GPATCH2L: variants seen among roughly 807,000 people sequenced by gnomAD.
The protein encoded by GPATCH2L is G-patch domain containing 2 like.
A neutral mutation model predicts 57.4 loss-of-function variants in GPATCH2L; 31 were observed. The ratio of observed to expected loss-of-function variants is 0.54; its 90% CI spans 0.41 to 0.73. The LOEUF (loss-of-function observed/expected upper bound fraction) is 0.73, where lower values mean the gene tolerates loss of function less well. GPATCH2L is among the 30% of genes least tolerant of loss of function. The pLI, the probability that GPATCH2L is intolerant of heterozygous loss-of-function variation, is 0.00. For missense variants in GPATCH2L, 481 were observed against 599.9 expected (o/e 0.80, Z 2.07); for synonymous variants, 199 against 210.7 (o/e 0.94, Z 0.48).
At chr14:76,230,155 C>T (rs534149567) in intron 2 of GPATCH2L, among the ~76,000 whole-genome samples, 1 of 152,184 alleles carries the variant, frequency 6.6e-6, no homozygotes. Flanking sequence ...TAAGGGACAG[C>T]CTAGCCTTGG....
At chr14:76,171,277 T>TAAAAAAAA (rs57103783) in intron 3 of GPATCH2L, among the ~76,000 whole-genome samples, 87 of 133,502 alleles carry the variant, frequency 6.5e-4, no homozygotes, top group African/African-American at 2.4e-3. Context: ...TACAGAGAAT[T>TAAAAAAAA]AAAAAAAAAA....
At chr14:76,178,438 G>A (rs949483048) in intron 7 of GPATCH2L, 13 of 297,566 alleles carry the variant, frequency 4.4e-5, no homozygotes, top group African/African-American at 1.3e-4. Flanking sequence ...GGTTGGGGGC[G>A]TGGTGAGGGG....
intron 8 of GPATCH2L, among the ~76,000 whole-genome samples, chr14:76,188,479 T>C (rs8021314): frequency 0.79 from 119,728 of 151,962 alleles, 47,762 homozygotes; most frequent in South Asian, 0.88. Flanking sequence ...ATATTGAGCA[T>C]CTTTTCATAT....
chr14:76,176,120 TG>T (rs1327688105), intron 5 of GPATCH2L: 1 of 152,386 alleles, frequency 6.6e-6, no homozygotes, highest in East Asian at 1.9e-4. Context: ...TAACAATTTT[TG>T]CAAGTCACAA....
chr14:76,155,100 G>T, intron 2 of GPATCH2L, 75 bp downstream of exon 2: 5 of 1,211,042 alleles, frequency 4.1e-6, no homozygotes, highest in Admixed American at 4.8e-5. Flanking sequence ...GTCTTAGTGG[G>T]TTCTACCTTC....
intron 2 of GPATCH2L, chr14:76,234,507 G>A (rs1281436439): frequency 6.6e-6 from 1 of 152,220 alleles, no homozygotes; most frequent in East Asian, 1.9e-4. Flanking sequence ...CCCTCTCCCT[G>A]TTACTGGCTT....
intron 2 of GPATCH2L, among the ~76,000 whole-genome samples, chr14:76,162,510 G>A (rs1289312997): frequency 6.6e-6 from 1 of 152,176 alleles, no homozygotes; most frequent in Non-Finnish European, 1.5e-5. Context: ...CTACACCGGG[G>A]TGTGCATTAA....
chr14:76,226,650 G>A (rs570452323), intron 1 of GPATCH2L, among the ~76,000 whole-genome samples: 51 of 152,284 alleles, frequency 3.3e-4, no homozygotes, highest in African/African-American at 1.1e-3. Context: ...AATTAATGAC[G>A]CTATAAAAAG....
At chr14:76,201,637 A>G (rs961680704) in intron 9 of GPATCH2L, 54 bp from the exon 10 acceptor site, 1 of 1,387,448 alleles carries the variant, frequency 7.2e-7, no homozygotes, top group Non-Finnish European at 9.7e-7. Context: ...AATTTGTCTT[A>G]TTCTAATTTA....
chr14:76,197,671 A>C (rs2040197006), intron 9 of GPATCH2L, among the ~76,000 whole-genome samples: 1 of 152,140 alleles, frequency 6.6e-6, no homozygotes, highest in Non-Finnish European at 1.5e-5. Context: ...TTTTATAGGA[A>C]TGAGTGATGA....
At position 76,204,886 on chromosome 14, in the gene GPATCH2L, A is replaced by G. The variant is rs1296802610; in HGVS notation, c.*3035A>G. 6.6e-6 allele frequency: 1 copy of G among 152,228 alleles called. No individual in the cohort carries two copies. Among genetic ancestry groups the G allele is most frequent in the Non-Finnish European group, 1.5e-5 (1 of 68,038 alleles). The allele number at this position is 152,228 out of a possible 1,614,324, so 9.4% of individuals were successfully genotyped here. The stretch of plus-strand genomic sequence containing the variant: ...TCATAATAAAAAGTTAGTTTTAATT[A>G]CGAGTTTAAAGGAATTTTAGATTTT... On this transcript the variant is annotated 3_prime_UTR_variant, in exon 10 of 10. Transcript: ENST00000261530.
At position 76,165,921 on chromosome 14, in the gene GPATCH2L, A is replaced by G. The variant is rs375387005; in HGVS notation, c.663-742A>G. On this transcript the variant is annotated intron_variant, in intron 2 of 9. Coordinates refer to ENST00000261530, the MANE Select transcript of GPATCH2L (RefSeq NM_017926.4). ...TGGAAGGAAATAATCCCAATCAAAG[A>G]AATAGCTAATACTGTAGAGGATTGA... Among the ~76,000 whole-genome samples, 244 of 152,338 alleles carry G rather than the reference A, an allele frequency of 1.6e-3. 11 individuals carry two copies. The South Asian group carries it at 0.044, about 27-fold the overall frequency.
downstream of GPATCH2L, among the ~76,000 whole-genome samples, chr14:76,217,095 G>GA (rs1029007243): frequency 8.6e-5 from 13 of 150,794 alleles, no homozygotes; most frequent in African/African-American, 2.2e-4. Flanking sequence ...ACAACTACTG[G>GA]AAAAAAAAAG....
In GPATCH2L at chr14:76,154,439, G is replaced by C. The variant is rs759350574; in HGVS notation, c.76G>C (p.Glu26Gln). The C allele has an allele frequency of 6.2e-7, 1 of 1,614,188 alleles. No individual in the cohort carries two copies. Among genetic ancestry groups the C allele is most frequent in the Non-Finnish European group, 8.5e-7 (1 of 1,180,034 alleles). ...SEQNKLGELW[E>Q]EMALSPRQQR... is the part of the protein sequence containing the mutation. ...GCAGAATAAGCTTGGTGAACTGTGG[G>C]AGGAGATGGCGCTGAGCCCCCGACA... Residue 26 changes from glutamate (E) to glutamine (Q), a missense_variant, in exon 2 of 10, where the codon GAG becomes CAG. Coordinates refer to ENST00000261530, the MANE Select transcript of GPATCH2L (RefSeq NM_017926.4). The surrounding 1 kb of genome is among the most constrained non-coding windows in gnomAD (Gnocchi z 4.4).
chr14:76,231,811 TGTA>T (rs1432391793), intron 2 of GPATCH2L, among the ~76,000 whole-genome samples: 17 of 152,254 alleles, frequency 1.1e-4, no homozygotes, highest in African/African-American at 3.6e-4. Context: ...TTATTCTACA[TGTA>T]TTTTGAATTC....
At chr14:76,232,712 G>A (rs910150116) in intron 2 of GPATCH2L, among the ~76,000 whole-genome samples, 8 of 152,230 alleles carry the variant, frequency 5.3e-5, no homozygotes, top group African/African-American at 1.9e-4. Context: ...GTCCAGGAAG[G>A]TTGCAGGCAT....
rs1566822870 is a variant in GPATCH2L, at chr14:76,208,750, C to G, written c.*6899C>G. ...GATACTCCTTCCTTCAAACAAAAGA[C>G]CTTTCCTCAACCCTTTGAAAGCCTG... On this transcript the variant is annotated 3_prime_UTR_variant, in exon 10 of 10. Coordinates refer to ENST00000261530, the MANE Select transcript of GPATCH2L (RefSeq NM_017926.4). 6.6e-6 allele frequency: 1 copy of G among 152,358 alleles called. No homozygotes were observed. The highest frequency in any genetic ancestry group is 1.5e-5 in the Non-Finnish European group (1 of 68,156). The allele number at this position is 152,358 out of a possible 1,614,324, so 9.4% of individuals were successfully genotyped here.
intron 3 of GPATCH2L, among the ~76,000 whole-genome samples, chr14:76,168,481 C>G (rs2038942865): frequency 6.6e-6 from 1 of 152,200 alleles, no homozygotes; most frequent in African/African-American, 2.4e-5. Context: ...TGTGGTTCCA[C>G]TGATCTTGCC....
At position 76,154,221 on chromosome 14, in the gene GPATCH2L, G is replaced by C. The variant is rs2038186897; in HGVS notation, c.-10-133G>C. The C allele has an allele frequency of 1.4e-6, 1 of 693,430 alleles. No individual in the cohort carries two copies. The highest frequency in any genetic ancestry group is 1.8e-5 in the African/African-American group (1 of 55,576). 43.0% of individuals were successfully genotyped at this position (693,430 alleles called of 1,614,324 possible). A position where few individuals can be genotyped will look rare whatever the true frequency, so the allele number is the denominator to read the frequency against. On this transcript the variant is annotated intron_variant, in intron 1 of 9. Transcript: ENST00000261530. This position sits in a 1 kb window ranked among gnomAD's most constrained non-coding sequence, Gnocchi z 4.4. ...AGCCAGATGAAAGGTGACTTATTTT[G>C]TTTAGACAGGCAGAACTGTGGACTA...
Sources: gnomAD v4.1 joint callset for allele counts (sites outside exome capture counted in the v4.1 genomes callset) on GRCh38, gnomAD v4.1.1 for gene constraint, Gnocchi (gnomAD v3.1) non-coding constraint, MANE v1.5 for transcripts, NCBI Gene and HGNC (gene_info 2026-07-23, HGNC 2026-07-21) for gene names.